FBN2: variants seen among roughly 807,000 people sequenced by gnomAD.
The protein encoded by FBN2 is fibrillin-2.
A neutral mutation model predicts 355.6 loss-of-function variants in FBN2; 105 were observed. The observed-to-expected ratio is 0.30, with a 90% CI of 0.25 to 0.35. FBN2 has a LOEUF of 0.35. Ranked by LOEUF, FBN2 falls within the 10% of genes least tolerant of loss-of-function variation. The pLI is 1.00. For missense variants in FBN2, 3,280 were observed against 3,758.7 expected (o/e 0.87, Z 3.33); for synonymous variants, 1,350 against 1,301.2 (o/e 1.04, Z -0.81).
At chr5:128,342,684 C>T (rs1561780299) in intron 25 of FBN2, among the ~76,000 whole-genome samples, 1 of 151,840 alleles carries the variant, frequency 6.6e-6, no homozygotes, top group Non-Finnish European at 1.5e-5. Context: ...TAGAGCATCA[C>T]ACCTCATTCT....
At chr5:128,286,455 C>T (rs1027696655) in intron 55 of FBN2, among the ~76,000 whole-genome samples, 28 of 152,250 alleles carry the variant, frequency 1.8e-4, no homozygotes, top group African/African-American at 6.3e-4. Flanking sequence ...TATGTACCTA[C>T]AGAACACATA....
At position 128,536,065 on chromosome 5, in the gene FBN2, T is replaced by C. The variant is rs562847741; in HGVS notation, c.337+337A>G. 3.3e-3 allele frequency among the ~76,000 whole-genome samples: 498 copies of C among 152,280 alleles called. 2 individuals are homozygous for C. The highest frequency in any genetic ancestry group is 0.011 in the African/African-American group (477 of 41,568). Reference sequence around the variant, plus strand: ...ATAATAACATGTGGTCTCATCTGGATTTTTTACAGAAAAAGTGGTTTTGAG... The same window carrying C: ...ATAATAACATGTGGTCTCATCTGGACTTTTTACAGAAAAAGTGGTTTTGAG... On this transcript the variant is annotated intron_variant, in intron 2 of 64. Transcript: ENST00000262464.
intron 15 of FBN2, among the ~76,000 whole-genome samples, chr5:128,373,497 A>G (rs1261080888): frequency 6.6e-6 from 1 of 152,138 alleles, no homozygotes; most frequent in Non-Finnish European, 1.5e-5. Context: ...TTTGGGATCC[A>G]TATGTTTTGA....
chr5:128,375,820 G>C (rs1752064106), intron 14 of FBN2, among the ~76,000 whole-genome samples: 1 of 152,090 alleles, frequency 6.6e-6, no homozygotes, highest in South Asian at 2.1e-4. Context: ...AGGATTGCTT[G>C]AGCCCATGAG....
chr5:128,536,378 C>A lies in FBN2; in HGVS notation c.337+24G>T, dbSNP rs774230536. ...ATAGGGCCGAGTGCGCTGCCCCAAG[C>A]TGCGATCCCTGCCAAGCACTCACGG... On this transcript the variant is annotated intron_variant, in intron 2 of 64. Coordinates refer to ENST00000262464, the MANE Select transcript of FBN2 (RefSeq NM_001999.4). 1.9e-6 allele frequency: 3 copies of A among 1,602,764 alleles called. No individual in the cohort carries two copies. The South Asian group carries it at 3.3e-5, about 18-fold the overall frequency.
At chr5:128,394,851 T>C (rs1752604819) in intron 9 of FBN2, among the ~76,000 whole-genome samples, 1 of 152,148 alleles carries the variant, frequency 6.6e-6, no homozygotes, top group Non-Finnish European at 1.5e-5. Flanking sequence ...AGTGGCATGA[T>C]CATGGATGGC....
At chr5:128,533,262 A>C (rs2112805345) in intron 2 of FBN2, among the ~76,000 whole-genome samples, 1 of 152,294 alleles carries the variant, frequency 6.6e-6, no homozygotes, top group Middle Eastern at 3.4e-3. Flanking sequence ...TCTAGGCTTA[A>C]GAGAGGAGAC....
rs531066348 is a variant in FBN2 at position 128,507,330 on chromosome 5, C to T, written c.628+11943G>A. 5.3e-5 allele frequency among the ~76,000 whole-genome samples: 8 copies of T among 151,846 alleles called. No individual in the cohort carries two copies. In the East Asian group the frequency reaches 7.7e-4, roughly 15 times the overall value. On this transcript the variant is annotated intron_variant, in intron 5 of 64. Transcript: ENST00000262464. ...CTGGTTCCAGGATGCCCAGAGATAC[C>T]GAAATCCATAGAGGCTCAAGTCCCT... is the stretch of plus-strand genomic sequence containing the variant.
chr5:128,457,448 G>A (rs1754424211), intron 6 of FBN2, among the ~76,000 whole-genome samples: 1 of 152,096 alleles, frequency 6.6e-6, no homozygotes, highest in African/African-American at 2.4e-5. Context: ...AGGAAATACA[G>A]AGAACACGAT....
At chr5:128,477,113 C>T (rs1370447035) in intron 5 of FBN2, among the ~76,000 whole-genome samples, 1 of 152,166 alleles carries the variant, frequency 6.6e-6, no homozygotes, top group African/African-American at 2.4e-5. Context: ...ACAGTAGCCA[C>T]TAGCCACATG....
chr5:128,417,270 C>T (rs1753230564), intron 7 of FBN2, among the ~76,000 whole-genome samples: 2 of 152,100 alleles, frequency 1.3e-5, no homozygotes, highest in Admixed American at 1.3e-4. Context: ...TTTAGGATTT[C>T]TAAATATAAG....
At chr5:128,318,641 T>G (rs979374630) in intron 35 of FBN2, among the ~76,000 whole-genome samples, 1 of 152,140 alleles carries the variant, frequency 6.6e-6, no homozygotes, top group African/African-American at 2.4e-5. Flanking sequence ...AGAGACACTT[T>G]ACTAGTTTCA....
At chr5:128,350,064 G>T in intron 21 of FBN2, 59 bp from the exon 22 acceptor site, 1 of 1,349,854 alleles carries the variant, frequency 7.4e-7, no homozygotes, top group Non-Finnish European at 1.1e-6. Flanking sequence ...ACCATGGTAT[G>T]CTCAAGAAGA....
chr5:128,342,069 T>C (rs1272137312), intron 25 of FBN2, among the ~76,000 whole-genome samples: 1 of 151,966 alleles, frequency 6.6e-6, no homozygotes, highest in East Asian at 1.9e-4. Flanking sequence ...AAGTTATAAA[T>C]GTGGGAGTGA....
chr5:128,531,691 T>C (rs1221517444), intron 2 of FBN2, among the ~76,000 whole-genome samples: 2 of 149,684 alleles, frequency 1.3e-5, no homozygotes, highest in African/African-American at 5.0e-5. Flanking sequence ...TATATATGTA[T>C]GTATATATAA....
intron 5 of FBN2, among the ~76,000 whole-genome samples, chr5:128,517,044 G>A (rs1379664434): frequency 6.6e-6 from 1 of 151,864 alleles, no homozygotes; most frequent in African/African-American, 2.4e-5. Context: ...ATATCCCAAG[G>A]GTAATCCATT....
At chr5:128,526,709 T>C (rs1756571452) in intron 4 of FBN2, among the ~76,000 whole-genome samples, 1 of 151,980 alleles carries the variant, frequency 6.6e-6, no homozygotes, top group South Asian at 2.1e-4. Context: ...AAGTAAATGA[T>C]GGTTGCCCGG....
At chr5:128,305,483 C>G (rs200462422) in intron 44 of FBN2, 28 bp downstream of exon 44, 10 of 1,613,382 alleles carry the variant, frequency 6.2e-6, no homozygotes, top group Non-Finnish European at 8.5e-6. Context: ...GTGCTCAGTG[C>G]CAAAGAATGA....
intron 48 of FBN2, among the ~76,000 whole-genome samples, chr5:128,297,285 G>C (rs897675908): frequency 5.3e-5 from 8 of 152,234 alleles, no homozygotes; most frequent in Non-Finnish European, 1.0e-4. Context: ...AATAGGTGTG[G>C]TGTGGTGCTG....
Sources: allele counts gnomAD v4.1 joint callset (sites outside exome capture counted in the v4.1 genomes callset), GRCh38; gene constraint gnomAD v4.1.1; transcripts MANE v1.5; gene names NCBI Gene and HGNC (gene_info 2026-07-23, HGNC 2026-07-21).